The following NRXN1 variants were observed in gnomAD, a reference collection of about 807,000 sequenced individuals.
NRXN1 encodes the protein neurexin-1.
In NRXN1, 39 loss-of-function variants were observed where a neutral mutation model predicts 150.9. The ratio of observed to expected loss-of-function variants is 0.26; its 90% CI spans 0.20 to 0.34. The LOEUF (loss-of-function observed/expected upper bound fraction) is 0.34, where lower values mean the gene tolerates loss of function less well. Ranked by LOEUF, NRXN1 falls within the 10% of genes least tolerant of loss-of-function variation. The pLI is 1.00. For synonymous variants in NRXN1, 924 were observed against 757.0 expected (o/e 1.22, Z -3.62); for missense variants, 1,815 against 1,949.9 (o/e 0.93, Z 1.30).
At chr2:50,241,554 C>T (rs2066001897) in intron 17 of NRXN1, among the ~76,000 whole-genome samples, 1 of 151,716 alleles carries the variant, frequency 6.6e-6, no homozygotes, top group Admixed American at 6.6e-5. Context: ...CAGCAATCTC[C>T]ACATTTAAGC....
At chr2:50,556,999 T>A (rs1201140649) in intron 8 of NRXN1, among the ~76,000 whole-genome samples, 1 of 152,202 alleles carries the variant, frequency 6.6e-6, no homozygotes, top group Non-Finnish European at 1.5e-5. Flanking sequence ...TTTCTCCTGT[T>A]GCAATTTTTG....
chr2:50,125,781 A>G (rs1465723972), intron 18 of NRXN1, among the ~76,000 whole-genome samples: 1 of 152,152 alleles, frequency 6.6e-6, no homozygotes, highest in East Asian at 1.9e-4. Context: ...AGAGTTTAAC[A>G]TGCATACACA....
chr2:50,662,787 G>T (rs932379528), intron 5 of NRXN1, among the ~76,000 whole-genome samples: 3 of 151,972 alleles, frequency 2.0e-5, no homozygotes, highest in Non-Finnish European at 2.9e-5. Flanking sequence ...GTATCAGAGA[G>T]TAAGGTCCAA....
chr2:50,387,424 C>T (rs911184820), intron 17 of NRXN1, among the ~76,000 whole-genome samples: 5 of 152,146 alleles, frequency 3.3e-5, no homozygotes, highest in African/African-American at 1.2e-4. Context: ...ACACTGTTCT[C>T]AGTGCCCTCA....
chr2:50,029,345 C>A (rs1335692435), intron 21 of NRXN1, among the ~76,000 whole-genome samples: 2 of 152,150 alleles, frequency 1.3e-5, no homozygotes, highest in Non-Finnish European at 2.9e-5. Flanking sequence ...TGGACTAACA[C>A]AGTGAAGCAG....
intron 19 of NRXN1, among the ~76,000 whole-genome samples, chr2:50,059,549 A>T (rs1376564973): frequency 1.3e-5 from 2 of 152,214 alleles, no homozygotes; most frequent in African/African-American, 4.8e-5. Context: ...ATAGGTAATG[A>T]GGACCCAAAG....
At chr2:50,170,169 G>T (rs769781840) in intron 18 of NRXN1, among the ~76,000 whole-genome samples, 4 of 149,782 alleles carry the variant, frequency 2.7e-5, no homozygotes, top group Non-Finnish European at 5.9e-5. Flanking sequence ...ACACACATAT[G>T]TACACTCAAA....
At chr2:51,018,068 C>G (rs1470142053) in intron 2 of NRXN1, among the ~76,000 whole-genome samples, 1 of 152,058 alleles carries the variant, frequency 6.6e-6, no homozygotes, top group African/African-American at 2.4e-5. Flanking sequence ...ACACTTAAGC[C>G]TAGCTGTTTC....
intron 5 of NRXN1, among the ~76,000 whole-genome samples, chr2:50,890,561 T>C (rs1275146189): frequency 2.0e-5 from 3 of 151,830 alleles, no homozygotes; most frequent in East Asian, 1.9e-4. Context: ...TAATGGTATT[T>C]AACACTCACC....
intron 5 of NRXN1, among the ~76,000 whole-genome samples, chr2:50,798,799 A>G (rs1707191069): frequency 6.6e-6 from 1 of 152,210 alleles, no homozygotes; most frequent in African/African-American, 2.4e-5. Flanking sequence ...CCATTCAAAA[A>G]CTGTTTAAAT....
intron 17 of NRXN1, among the ~76,000 whole-genome samples, chr2:50,296,438 T>C (rs2073570312): frequency 6.6e-6 from 1 of 152,110 alleles, no homozygotes; most frequent in African/African-American, 2.4e-5. Flanking sequence ...TGGTTGGGCT[T>C]CTAGCGTGCC....
At chr2:50,894,443 C>T (rs1045923306) in intron 5 of NRXN1, among the ~76,000 whole-genome samples, 2 of 151,538 alleles carry the variant, frequency 1.3e-5, no homozygotes, top group African/African-American at 4.8e-5. Flanking sequence ...ACGAACAATT[C>T]AAGATTTGTC....
chr2:50,620,148 C>G lies in NRXN1; in HGVS notation c.1194G>C (p.Thr398=), dbSNP rs202166616. 4 of 1,613,364 alleles carry G rather than the reference C, an allele frequency of 2.5e-6. No homozygotes were observed. Among genetic ancestry groups the G allele is most frequent in the African/African-American group, 2.7e-5 (2 of 74,980 alleles). Residue 398 remains threonine (T), a synonymous_variant, in exon 8 of 23, where the codon ACG becomes ACC. Transcript: ENST00000401669. ...TGGTATAATCTTCTTGCGTGTAGCC[C>G]GTTGTGGTAAGAATCCCATCCACTG... The part of the protein sequence containing the change: ...TISVDGILTT[T]GYTQEDYTML...
chr2:50,388,296 T>C (rs2081459434), intron 17 of NRXN1, among the ~76,000 whole-genome samples: 1 of 152,168 alleles, frequency 6.6e-6, no homozygotes, highest in South Asian at 2.1e-4. Context: ...ACACAAACAA[T>C]AAATATAATG....
At chr2:50,081,751 G>A (rs1415404417) in intron 19 of NRXN1, among the ~76,000 whole-genome samples, 1 of 152,084 alleles carries the variant, frequency 6.6e-6, no homozygotes. Flanking sequence ...TAGCTATTAT[G>A]TATTATCATT....
chr2:50,801,725 T>G (rs1167372790), intron 5 of NRXN1, among the ~76,000 whole-genome samples: 1 of 152,170 alleles, frequency 6.6e-6, no homozygotes, highest in Non-Finnish European at 1.5e-5. Flanking sequence ...TATTTGTATT[T>G]TCATTATTTC....
chr2:50,991,143 T>G (rs1298445676), intron 2 of NRXN1, among the ~76,000 whole-genome samples: 2 of 152,054 alleles, frequency 1.3e-5, no homozygotes, highest in Admixed American at 6.6e-5. Flanking sequence ...ATTTCTTTGT[T>G]GTCCTGAATA....
At chr2:50,472,566 ATTAAG>A in intron 15 of NRXN1, 95 bp from the exon 16 acceptor site, 1 of 922,198 alleles carries the variant, frequency 1.1e-6, no homozygotes, top group Non-Finnish European at 1.6e-6. Context: ...TTTATTTTTC[ATTAAG>A]TTAATAAAAA....
chr2:50,534,250 G>A (rs541271229), intron 10 of NRXN1, among the ~76,000 whole-genome samples: 4 of 152,192 alleles, frequency 2.6e-5, no homozygotes, highest in South Asian at 2.1e-4. Flanking sequence ...GTGCATGAAC[G>A]AAATATGTAA....
Sources: allele counts gnomAD v4.1 joint callset (sites outside exome capture counted in the v4.1 genomes callset), GRCh38; gene constraint gnomAD v4.1.1; transcripts MANE v1.5; gene names NCBI Gene and HGNC (gene_info 2026-07-23, HGNC 2026-07-21).